Variants in ULK4 observed in about 807,000 individuals in gnomAD.
The protein encoded by ULK4 is inactive serine/threonine-protein kinase ULK4.
ULK4 carries 133 observed loss-of-function variants against 160.6 expected under a neutral mutation model. The observed-to-expected ratio is 0.83, with a 90% confidence interval of 0.72 to 0.96. The LOEUF (loss-of-function observed/expected upper bound fraction) is 0.96. Ranked by LOEUF, ULK4 falls within the 40% of genes least tolerant of loss-of-function variation. ULK4 has a pLI of 0.00. For missense variants in ULK4, 1,580 were observed against 1,499.5 expected (o/e 1.05, Z -0.89); for synonymous variants, 534 against 539.8 (o/e 0.99, Z 0.15).
intron 33 of ULK4, among the ~76,000 whole-genome samples, chr3:41,460,793 A>G (rs2083664899): frequency 6.6e-6 from 1 of 152,170 alleles, no homozygotes; most frequent in African/African-American, 2.4e-5. Flanking sequence ...TTACATCTAT[A>G]TATAATTATA....
At chr3:41,594,501 G>A (rs892820812) in intron 31 of ULK4, among the ~76,000 whole-genome samples, 2 of 152,096 alleles carry the variant, frequency 1.3e-5, no homozygotes, top group African/African-American at 4.8e-5. Context: ...TCACACCACT[G>A]AAGTCCAGCC....
intron 21 of ULK4, among the ~76,000 whole-genome samples, chr3:41,757,171 C>G (rs1031401691): frequency 2.0e-5 from 3 of 152,076 alleles, no homozygotes; most frequent in African/African-American, 4.8e-5. Context: ...CTAGAAACAA[C>G]TGAAACCTCT....
At chr3:41,958,115 T>TA (rs1386357336) in intron 1 of ULK4, among the ~76,000 whole-genome samples, 1 of 150,890 alleles carries the variant, frequency 6.6e-6, no homozygotes. Flanking sequence ...TCAATATGGG[T>TA]ATATTAAAGA....
chr3:41,913,043 T>C (rs1698842821), intron 8 of ULK4, 144 bp from the exon 9 acceptor site: 1 of 657,870 alleles, frequency 1.5e-6, no homozygotes. Context: ...ATTTCATTTT[T>C]GTATGCTATT....
chr3:41,824,347 T>C (rs986586679), intron 18 of ULK4, among the ~76,000 whole-genome samples: 13 of 151,914 alleles, frequency 8.6e-5, no homozygotes, highest in African/African-American at 3.1e-4. Context: ...ACACCGAGCA[T>C]AAGACAAAGC....
rs1171585874 is a variant in ULK4 at position 41,654,421 on chromosome 3, T to C, written c.3071+9186A>G. Among the ~76,000 whole-genome samples, 3 of 152,230 alleles carry C rather than the reference T, an allele frequency of 2.0e-5. No individual in the cohort carries two copies. In the East Asian group the frequency reaches 5.8e-4, roughly 29 times the overall value. On this transcript the variant is annotated intron_variant, in intron 30 of 36. Coordinates refer to ENST00000301831, the MANE Select transcript of ULK4 (RefSeq NM_017886.4). The stretch of plus-strand genomic sequence containing the variant: ...TTTTCAACAGTAAAATAAAATGTTA[T>C]GCTCAAAACTGTTAAATGATAATCT...
chr3:41,898,012 T>C (rs1343488534), intron 14 of ULK4, among the ~76,000 whole-genome samples: 1 of 152,156 alleles, frequency 6.6e-6, no homozygotes, highest in Non-Finnish European at 1.5e-5. Flanking sequence ...ACCTCCACAG[T>C]CATGAACCAC....
chr3:41,604,314 T>C (rs1458760223), intron 31 of ULK4, among the ~76,000 whole-genome samples: 1 of 152,100 alleles, frequency 6.6e-6, no homozygotes. Context: ...ATGATACATG[T>C]AATTGGAAGT....
At chr3:41,604,061 C>CT (rs1463399584) in intron 31 of ULK4, among the ~76,000 whole-genome samples, 3 of 151,780 alleles carry the variant, frequency 2.0e-5, no homozygotes, top group African/African-American at 7.3e-5. Context: ...AGAAAGGCCT[C>CT]TATGAAAATG....
rs191002823 is a variant in ULK4, at chr3:41,705,205, T to C, written c.2686+49A>G. The C allele has an allele frequency of 6.6e-5, 107 of 1,610,244 alleles. No homozygotes were observed. In the African/African-American group the frequency reaches 1.3e-3, roughly 20 times the overall value. On this transcript the variant is annotated intron_variant, in intron 26 of 36. Transcript: ENST00000301831. Reference sequence around the variant, plus strand: ...TTTATTTACATGTTCTAAATCATAATATCAAAGTACCTCAAACAAAGACAC... The same window carrying C: ...TTTATTTACATGTTCTAAATCATAACATCAAAGTACCTCAAACAAAGACAC...
At chr3:41,654,266 C>T (rs541122178) in intron 30 of ULK4, among the ~76,000 whole-genome samples, 3 of 152,270 alleles carry the variant, frequency 2.0e-5, no homozygotes, top group African/African-American at 7.2e-5. Flanking sequence ...AAAAAACAAA[C>T]ACATCCAACT....
intron 32 of ULK4, among the ~76,000 whole-genome samples, chr3:41,470,380 T>C (rs556292302): frequency 6.0e-4 from 91 of 152,272 alleles, no homozygotes; most frequent in Admixed American, 5.7e-3. Flanking sequence ...CCCAATAAAA[T>C]TGTCTTTCCA....
At chr3:41,839,567 T>C (rs188676943) in intron 17 of ULK4, among the ~76,000 whole-genome samples, 90 of 151,740 alleles carry the variant, frequency 5.9e-4, no homozygotes, top group African/African-American at 2.0e-3. Context: ...ACTGTATATA[T>C]ATAAATTTCA....
chr3:41,476,773 T>C (rs1470475055), intron 32 of ULK4, among the ~76,000 whole-genome samples: 1 of 152,150 alleles, frequency 6.6e-6, no homozygotes, highest in East Asian at 1.9e-4. Context: ...TTGCCTCTTC[T>C]ACTGGTTCTA....
At chr3:41,918,311 T>C (rs1297256198) in intron 7 of ULK4, 146 bp downstream of exon 7, 3 of 499,630 alleles carry the variant, frequency 6.0e-6, no homozygotes, top group Non-Finnish European at 1.0e-5. Flanking sequence ...AAAGAAATAC[T>C]AACATTTCTA....
At chr3:41,516,411 G>A (rs753798355) in intron 32 of ULK4, among the ~76,000 whole-genome samples, 14 of 151,952 alleles carry the variant, frequency 9.2e-5, no homozygotes, top group Admixed American at 7.9e-4. Flanking sequence ...AAAAACACAA[G>A]TCACAGGCTA....
At chr3:41,541,206 A>C (rs141607234) in intron 32 of ULK4, among the ~76,000 whole-genome samples, 127 of 152,278 alleles carry the variant, frequency 8.3e-4, no homozygotes, top group African/African-American at 3.0e-3. Context: ...ACTTTTGTAT[A>C]AGGTGTAAGG....
At chr3:41,905,297 A>ACC (rs58982482) in intron 12 of ULK4, among the ~76,000 whole-genome samples, 1 of 152,102 alleles carries the variant, frequency 6.6e-6, no homozygotes. Context: ...ATGAAGCTAT[A>ACC]CCCCCTACTT....
chr3:41,571,975 A>G (rs749108362), intron 31 of ULK4, among the ~76,000 whole-genome samples: 15 of 152,228 alleles, frequency 9.9e-5, no homozygotes, highest in Non-Finnish European at 2.1e-4. Context: ...GGGGCAAGAC[A>G]GCACTGATAA....
Sources: allele counts gnomAD v4.1 joint callset (sites outside exome capture counted in the v4.1 genomes callset), GRCh38; gene constraint gnomAD v4.1.1; transcripts MANE v1.5; gene names NCBI Gene and HGNC (gene_info 2026-07-23, HGNC 2026-07-21).